Variants in CAV2 observed in about 807,000 individuals in gnomAD.
The protein encoded by CAV2 is caveolin-2.
A neutral mutation model predicts 15.5 loss-of-function variants in CAV2; 7 were observed. That is an observed-to-expected ratio of 0.45 (90% CI 0.26 to 0.85). The LOEUF (loss-of-function observed/expected upper bound fraction) is 0.85, where lower values mean the gene tolerates loss of function less well. CAV2 is among the 40% of genes least tolerant of loss of function. CAV2 has a pLI of 0.18. For synonymous variants in CAV2, 76 were observed against 83.1 expected, an observed-to-expected ratio of 0.91 and a Z score of 0.46; for missense variants, 229 against 208.8, an observed-to-expected ratio of 1.10 and a Z score of -0.60.
At chr7:116,504,842 T>C (rs1310445405) in intron 2 of CAV2, among the ~76,000 whole-genome samples, 1 of 152,204 alleles carries the variant, frequency 6.6e-6, no homozygotes, top group Admixed American at 6.5e-5. Flanking sequence ...GATAGACTAG[T>C]TTTCTTGTGT....
intron 2 of CAV2, among the ~76,000 whole-genome samples, chr7:116,503,919 A>AGGGAGGGAGAGAGGG (rs1197136360): frequency 1.5e-5 from 1 of 67,920 alleles, no homozygotes; most frequent in Non-Finnish European, 3.0e-5. Flanking sequence ...GGGAGGAAGG[A>AGGGAGGGAGAGAGGG]AGGAAGGGAG....
chr7:116,500,171 C>G (rs930299183), intron 1 of CAV2, 89 bp from the exon 2 acceptor site: 3 of 1,539,820 alleles, frequency 1.9e-6, no homozygotes, highest in Admixed American at 3.9e-5. Context: ...GCACGTCCTT[C>G]CCTCCTGCTT....
intron 2 of CAV2, among the ~76,000 whole-genome samples, chr7:116,505,466 G>T (rs1183224321): frequency 6.6e-6 from 1 of 152,158 alleles, no homozygotes; most frequent in South Asian, 2.1e-4. Flanking sequence ...ATAAAGAAAA[G>T]AGGTTTATTT....
chr7:116,500,535 C>T (rs575254607), intron 2 of CAV2, 88 bp downstream of exon 2: 278 of 1,342,350 alleles, frequency 2.1e-4, no homozygotes, highest in Non-Finnish European at 2.6e-4. Flanking sequence ...TTATCCCAGG[C>T]CGGCGTCAGG....
Position 116,506,159 on chromosome 7 carries a change from A to G in CAV2, c.*38A>G. 2 of 1,605,198 alleles carry G rather than the reference A, an allele frequency of 1.2e-6. No individual in the cohort carries two copies. The highest frequency in any genetic ancestry group is 1.7e-6 in the Non-Finnish European group (2 of 1,172,514). On this transcript the variant is annotated 3_prime_UTR_variant, in exon 3 of 3. Transcript: ENST00000222693. ...CAGGTCTGGAGATTGGGATACTGTA[A>G]TACTTCTTTGTTATTATAACATAAA...
Position 116,502,168 on chromosome 7 carries a change from A to G in CAV2, c.338+1721A>G, listed in dbSNP as rs1793119594. Among the ~76,000 whole-genome samples, 3 of 123,018 alleles carry G rather than the reference A, an allele frequency of 2.4e-5. No homozygotes were observed. In the South Asian group the frequency reaches 6.6e-4, roughly 27 times the overall value. The allele number at this position is 123,018 out of a possible 152,430, so 80.7% of individuals were successfully genotyped here. On this transcript the variant is annotated intron_variant, in intron 2 of 2. Coordinates refer to ENST00000222693, the MANE Select transcript of CAV2 (RefSeq NM_001233.5). ...CCCAAAGCTTTTGTGAAAGAATTTG[A>G]AAAAAAAAAGTTTCTCATTTACTAA...
At chr7:116,500,015 C>T in intron 1 of CAV2, 84 bp downstream of exon 1, 2 of 1,534,144 alleles carry the variant, frequency 1.3e-6, no homozygotes. Flanking sequence ...ACCCGTCCCA[C>T]CATTGCTACC....
At position 116,499,806 on chromosome 7, in the gene CAV2, G is replaced by T. The variant is rs1415542662; in HGVS notation, c.25G>T (p.Asp9Tyr). The change falls in exon 1 of 3, where the codon GAC (aspartate) becomes TAC (tyrosine). Residue 9 changes from aspartate (D) to tyrosine (Y), a missense_variant. Asp to Tyr is a radical substitution (Grantham distance 160, BLOSUM62 -3). Transcript: ENST00000222693. ...GATGGGGCTGGAGACGGAGAAGGCG[G>T]ACGTACAGCTCTTCATGGACGACGA... MGLETEKA[D>Y]VQLFMDDDSY... The T allele has an allele frequency of 6.3e-7, 1 of 1,589,054 alleles. No homozygotes were observed. The highest frequency in any genetic ancestry group is 2.3e-5 in the East Asian group (1 of 43,284).
At position 116,506,274 on chromosome 7, in the gene CAV2, C is replaced by A; in HGVS notation, c.*153C>A. On this transcript the variant is annotated 3_prime_UTR_variant, in exon 3 of 3. Transcript: ENST00000222693. ...CATTTAGAAATGTTTATTGACAGGT[C>A]TTTTCAAATAATGCTTTTCTAATTA... 1.5e-6 allele frequency: 1 copy of A among 664,948 alleles called. No individual in the cohort carries two copies. Among genetic ancestry groups the A allele is most frequent in the Non-Finnish European group, 2.5e-6 (1 of 404,790 alleles). The allele number at this position is 664,948 out of a possible 1,614,324, so 41.2% of individuals were successfully genotyped here.
At position 116,507,656 on chromosome 7, in the gene CAV2, A is replaced by G. The variant is rs1251499040; in HGVS notation, c.*1535A>G. On this transcript the variant is annotated 3_prime_UTR_variant, in exon 3 of 3. Transcript: ENST00000222693. ...CCACTGCACTCCCGCCTGGCAACAG[A>G]GCAAGAGTCTGTCTCAAAAAAAAAA... The G allele has an allele frequency of 6.7e-6, 1 of 148,846 alleles. No homozygotes were observed. Among genetic ancestry groups the G allele is most frequent in the Non-Finnish European group, 1.5e-5 (1 of 67,586 alleles). The allele number at this position is 148,846 out of a possible 1,614,324, so 9.2% of individuals were successfully genotyped here. A position where few individuals can be genotyped will look rare whatever the true frequency, so the allele number is the denominator to read the frequency against.
At chr7:116,502,266 G>T (rs1287496027) in intron 2 of CAV2, among the ~76,000 whole-genome samples, 1 of 152,186 alleles carries the variant, frequency 6.6e-6, no homozygotes, top group African/African-American at 2.4e-5. Context: ...TCTGAGAATG[G>T]GAGGTGTTTT....
At position 116,507,061 on chromosome 7, in the gene CAV2, T is replaced by C. The variant is rs1294416478; in HGVS notation, c.*940T>C. On this transcript the variant is annotated 3_prime_UTR_variant, in exon 3 of 3. Transcript: ENST00000222693. ...TGTCTAGGAGATGCTTTCTCTCTAG[T>C]AGTTAGAAATTAAATCTGTGTCAGC... The C allele has an allele frequency of 2.0e-5, 3 of 152,702 alleles. No homozygotes were observed. The highest frequency in any genetic ancestry group is 4.4e-5 in the Non-Finnish European group (3 of 68,048). The allele number at this position is 152,702 out of a possible 1,614,324, so 9.5% of individuals were successfully genotyped here.
chr7:116,499,889 G>A lies in CAV2; in HGVS notation c.108G>A (p.Ser36=), dbSNP rs898866373. 4 of 1,611,866 alleles carry A rather than the reference G, an allele frequency of 2.5e-6. No homozygotes were observed. The highest frequency in any genetic ancestry group is 2.2e-5 in the South Asian group (2 of 90,950). ...EYADPEKFAD[S]DQDRDPHRLN... Reference sequence around the variant, plus strand: ...CCGACCCCGAGAAGTTCGCGGACTCGGACCAGGACCGGGATCCCCACCGGC... The same window carrying A: ...CCGACCCCGAGAAGTTCGCGGACTCAGACCAGGACCGGGATCCCCACCGGC... The change falls in exon 1 of 3, where the codon TCG becomes TCA. Residue 36 remains serine (S), a synonymous_variant. Coordinates refer to ENST00000222693, the MANE Select transcript of CAV2 (RefSeq NM_001233.5).
chr7:116,499,940 C>A lies in CAV2; in HGVS notation c.150+9C>A. 6.2e-7 allele frequency: 1 copy of A among 1,609,324 alleles called. No individual in the cohort carries two copies. On this transcript the variant is annotated intron_variant, in intron 1 of 2. Coordinates refer to ENST00000222693, the MANE Select transcript of CAV2 (RefSeq NM_001233.5). ...TCAACTCGCATCTCAAGGTGAAGCC[C>A]GGGGCGGGCGGGCCCAAGTCCCCGC...
chr7:116,502,138 G>A (rs1309132314), intron 2 of CAV2, among the ~76,000 whole-genome samples: 2 of 151,900 alleles, frequency 1.3e-5, no homozygotes, highest in East Asian at 3.8e-4. Context: ...AACAAAGCTA[G>A]GCTTCCCAAA....
rs551521193 is a variant in CAV2 at position 116,506,859 on chromosome 7, C to T, written c.*738C>T. On this transcript the variant is annotated 3_prime_UTR_variant, in exon 3 of 3. Transcript: ENST00000222693. ...AATGTAGCTCCCACAAGGTAAACTT[C>T]ATTGGTAAGATTGCACTGTTCTGAT... The T allele has an allele frequency of 1.3e-5, 2 of 152,288 alleles. No homozygotes were observed. The highest frequency in any genetic ancestry group is 2.9e-5 in the Non-Finnish European group (2 of 68,012). The allele number at this position is 152,288 out of a possible 1,614,324, so 9.4% of individuals were successfully genotyped here.
In CAV2 at chr7:116,506,312, T is replaced by G. The variant is rs1793238626; in HGVS notation, c.*191T>G. The G allele has an allele frequency of 1.8e-6, 1 of 553,272 alleles. No individual in the cohort carries two copies. Among genetic ancestry groups the G allele is most frequent in the Non-Finnish European group, 3.1e-6 (1 of 319,318 alleles). The allele number at this position is 553,272 out of a possible 1,614,324, so 34.3% of individuals were successfully genotyped here. On this transcript the variant is annotated 3_prime_UTR_variant, in exon 3 of 3. Coordinates refer to ENST00000222693, the MANE Select transcript of CAV2 (RefSeq NM_001233.5). ...GCTTTTCTAATTAATAGCCAAAGAT[T>G]TCATATCTAACTTTGTAACCAGAAT...
intron 2 of CAV2, among the ~76,000 whole-genome samples, chr7:116,504,913 G>C (rs1171817669): frequency 1.3e-5 from 2 of 152,088 alleles, no homozygotes; most frequent in Non-Finnish European, 2.9e-5. Flanking sequence ...TTTTCAGTGT[G>C]TGTGATTACT....
At position 116,505,755 on chromosome 7, in the gene CAV2, G is replaced by A. The variant is rs188023893; in HGVS notation, c.339-216G>A. Among the ~76,000 whole-genome samples the A allele has an allele frequency of 7.2e-5, 11 of 152,190 alleles. No homozygotes were observed. In the East Asian group the frequency reaches 1.7e-3, roughly 24 times the overall value. On this transcript the variant is annotated intron_variant, in intron 2 of 2. Coordinates refer to ENST00000222693, the MANE Select transcript of CAV2 (RefSeq NM_001233.5). ...CGCTGTGATCCAATTATCCCCACTCGGCCCCACCTCCAACACTGGGGACTA... is the reference window on the plus strand; with the variant it reads ...CGCTGTGATCCAATTATCCCCACTCAGCCCCACCTCCAACACTGGGGACTA...
Sources: gnomAD v4.1 joint callset for allele counts (sites outside exome capture counted in the v4.1 genomes callset) on GRCh38, gnomAD v4.1.1 for gene constraint, MANE v1.5 for transcripts, NCBI Gene and HGNC (gene_info 2026-07-23, HGNC 2026-07-21) for gene names.